Variants in GLG1 observed in about 807,000 individuals in gnomAD.
The protein encoded by GLG1 is golgi glycoprotein 1, also known as Golgi apparatus protein 1.
GLG1 carries 38 observed loss-of-function variants against 160.5 expected under a neutral mutation model. The observed-to-expected ratio is 0.24, with a 90% CI of 0.18 to 0.31. The LOEUF (loss-of-function observed/expected upper bound fraction) is 0.31, where lower values mean the gene tolerates loss of function less well. Ranked by LOEUF, GLG1 falls within the 10% of genes least tolerant of loss-of-function variation. The pLI is 1.00. For synonymous variants in GLG1, 644 were observed against 543.4 expected, an observed-to-expected ratio of 1.19 and a Z score of -2.57; for missense variants, 1,373 against 1,505.2, an observed-to-expected ratio of 0.91 and a Z score of 1.45.
chr16:74,503,350 T>C (rs1448706110), intron 4 of GLG1, among the ~76,000 whole-genome samples, 181 bp downstream of exon 4: 4 of 152,196 alleles, frequency 2.6e-5, no homozygotes, highest in Non-Finnish European at 5.9e-5. Context: ...TGAAAAATTT[T>C]GCTACAAACA....
chr16:74,472,267 G>A (rs2015235325), intron 14 of GLG1, 82 bp downstream of exon 14: 1 of 886,356 alleles, frequency 1.1e-6, no homozygotes, highest in East Asian at 2.4e-5. Flanking sequence ...GCTGCAGACA[G>A]AGGTGAGTCT....
At chr16:74,601,031 T>C (rs1401712811) in intron 1 of GLG1, among the ~76,000 whole-genome samples, 1 of 152,086 alleles carries the variant, frequency 6.6e-6, no homozygotes, top group Non-Finnish European at 1.5e-5. Flanking sequence ...TGTGGTTAGA[T>C]TGCTTCCAAC....
chr16:74,540,953 T>G (rs541772732), intron 1 of GLG1, among the ~76,000 whole-genome samples: 90 of 152,260 alleles, frequency 5.9e-4, no homozygotes, highest in African/African-American at 2.1e-3. Flanking sequence ...TAAACTGCTT[T>G]GTAGGAAATA....
Position 74,487,079 on chromosome 16 carries a change from AACTTTTGTATTTTTAG to A in GLG1, c.1450-1178_1450-1163del, listed in dbSNP as rs2015819100. The stretch of plus-strand genomic sequence containing the variant: ...CGGGCATGTACCACCACTCCCGGCT[AACTTTTGTATTTTTAG>A]TGGGGATGAGGTTTCGCCACGTTGG... On this transcript the variant is annotated intron_variant, in intron 8 of 25. Coordinates refer to ENST00000422840, the MANE Select transcript of GLG1 (RefSeq NM_001145667.2). Among the ~76,000 whole-genome samples the A allele has an allele frequency of 3.9e-5, 6 of 152,142 alleles. No individual in the cohort carries two copies. In the South Asian group the frequency reaches 1.2e-3, roughly 32 times the overall value.
In GLG1 at chr16:74,568,574, C is replaced by T. The variant is rs530241972; in HGVS notation, c.439-36421G>A. ...CTGTGATTACAGTTGCACACCACCA[C>T]GCCTGGCTAATTTTTATGTTTTTAG... is the stretch of plus-strand genomic sequence containing the variant. On this transcript the variant is annotated intron_variant, in intron 1 of 25. Coordinates refer to ENST00000422840, the MANE Select transcript of GLG1 (RefSeq NM_001145667.2). Among the ~76,000 whole-genome samples the T allele has an allele frequency of 5.9e-5, 9 of 152,182 alleles. No individual in the cohort carries two copies. The South Asian group carries it at 1.7e-3, about 28-fold the overall frequency.
chr16:74,505,619 C>G (rs113201850), intron 3 of GLG1, among the ~76,000 whole-genome samples: 132 of 152,294 alleles, frequency 8.7e-4, no homozygotes, highest in African/African-American at 3.0e-3. Context: ...CTTTGGGAGG[C>G]TGAGGCAGGT....
intron 1 of GLG1, among the ~76,000 whole-genome samples, chr16:74,588,053 G>C (rs1266923963): frequency 6.6e-6 from 1 of 151,462 alleles, no homozygotes; most frequent in Non-Finnish European, 1.5e-5. Context: ...CTGAAGATCA[G>C]CAATAGCAAT....
chr16:74,516,788 C>G (rs113464744), intron 2 of GLG1, among the ~76,000 whole-genome samples: 2 of 151,836 alleles, frequency 1.3e-5, no homozygotes, highest in African/African-American at 2.4e-5. Flanking sequence ...TTGAAAAGAT[C>G]AACAAAATAG....
intron 1 of GLG1, among the ~76,000 whole-genome samples, chr16:74,604,442 C>T (rs1349975745): frequency 2.0e-5 from 3 of 152,286 alleles, no homozygotes; most frequent in Middle Eastern, 6.8e-3. Flanking sequence ...CTGCAGGAGG[C>T]CTGGAACCAT....
At chr16:74,555,640 G>A (rs1172563821) in intron 1 of GLG1, among the ~76,000 whole-genome samples, 1 of 151,884 alleles carries the variant, frequency 6.6e-6, no homozygotes, top group Non-Finnish European at 1.5e-5. Context: ...AGTGAGCTGT[G>A]ACTCCTCCAT....
chr16:74,492,540 T>C (rs1326450304), intron 7 of GLG1, among the ~76,000 whole-genome samples: 1 of 146,324 alleles, frequency 6.8e-6, no homozygotes, highest in South Asian at 2.1e-4. Flanking sequence ...AAAAAATTGC[T>C]AGGTGCGGTG....
chr16:74,588,578 C>A (rs562757318), intron 1 of GLG1, among the ~76,000 whole-genome samples: 3 of 152,124 alleles, frequency 2.0e-5, no homozygotes, highest in South Asian at 4.1e-4. Flanking sequence ...CACCACCACA[C>A]TGACTAATTT....
intron 13 of GLG1, among the ~76,000 whole-genome samples, chr16:74,473,103 C>T (rs983912286): frequency 1.3e-5 from 2 of 152,208 alleles, no homozygotes; most frequent in African/African-American, 4.8e-5. Context: ...AATGGTAGTT[C>T]CCCACTTCTC....
intron 19 of GLG1, among the ~76,000 whole-genome samples, chr16:74,464,456 A>C (rs1316529965): frequency 1.3e-5 from 2 of 152,216 alleles, no homozygotes; most frequent in Non-Finnish European, 2.9e-5. Context: ...TGGACTAGTA[A>C]TAAACTCCCT....
chr16:74,465,548 G>A, intron 19 of GLG1, 128 bp downstream of exon 19: 1 of 885,564 alleles, frequency 1.1e-6, no homozygotes. Flanking sequence ...CTCCCAGGGG[G>A]TGCTGCTGCT....
rs770832106 is a variant in GLG1 at position 74,468,998 on chromosome 16, T to G, written c.2384A>C (p.His795Pro). Residue 795 changes from histidine to proline, a missense_variant, in exon 17 of 26, where the codon CAC (histidine) becomes CCC (proline). Around this residue, in one of 4 missense-constraint regions of GLG1, gnomAD observed 491 missense variants for 632.1 expected, o/e 0.78. Transcript: ENST00000422840. ...RNDTLQEAKEHRVSLKCRRQL... is the reference protein window; with the variant it reads ...RNDTLQEAKEPRVSLKCRRQL... Reference sequence around the variant, plus strand: ...CCTGCGGCACTTCAGGGACACCCTGTGCTCCTTGGCTTCCTGCAGAGTGTC... The same window carrying G: ...CCTGCGGCACTTCAGGGACACCCTGGGCTCCTTGGCTTCCTGCAGAGTGTC... 43 of 1,613,908 alleles carry G rather than the reference T, an allele frequency of 2.7e-5. No homozygotes were observed. The highest frequency in any genetic ancestry group is 3.5e-5 in the Non-Finnish European group (41 of 1,179,840).
chr16:74,459,691 C>A lies in GLG1; in HGVS notation c.3135G>T (p.Leu1045Phe), dbSNP rs755981823. The change falls in exon 23 of 26, where the codon TTG (leucine) becomes TTT (phenylalanine). Residue 1045 changes from leucine (L) to phenylalanine (F), a missense_variant. Leu to Phe is a conservative substitution (Grantham distance 22). This residue lies in a region of GLG1 where 491 missense variants were observed against 632.1 expected (regional missense o/e 0.78). Transcript: ENST00000422840. ...KVNLLKIKTE[L>F]CKKEVLNMLK... ...AGGTGACGGTGGTTACCTTTTTACA[C>A]AATTCTGTTTTGATCTTGAGCAGGT... The A allele has an allele frequency of 1.3e-6, 2 of 1,536,786 alleles. No homozygotes were observed. The highest frequency in any genetic ancestry group is 1.8e-6 in the Non-Finnish European group (2 of 1,116,680).
At chr16:74,565,447 T>C (rs1464452722) in intron 1 of GLG1, among the ~76,000 whole-genome samples, 1 of 152,324 alleles carries the variant, frequency 6.6e-6, no homozygotes, top group East Asian at 1.9e-4. Context: ...TCTCAGTACA[T>C]AGGGAACTGT....
intron 2 of GLG1, among the ~76,000 whole-genome samples, chr16:74,512,393 A>G (rs937322084): frequency 2.0e-5 from 3 of 151,692 alleles, no homozygotes; most frequent in African/African-American, 7.3e-5. Context: ...CCTCCGTACT[A>G]GCTGGGATTA....
Sources: allele counts gnomAD v4.1 joint callset (sites outside exome capture counted in the v4.1 genomes callset), GRCh38; gene constraint gnomAD v4.1.1; regional missense constraint gnomAD v4.1.1; transcripts MANE v1.5; gene names NCBI Gene and HGNC (gene_info 2026-07-23, HGNC 2026-07-21).